ITGAL: variants seen among roughly 807,000 people sequenced by gnomAD.
The protein encoded by ITGAL is integrin alpha-L.
A neutral mutation model predicts 138.4 loss-of-function variants in ITGAL; 68 were observed. That is an observed-to-expected ratio of 0.49 (90% CI 0.40 to 0.60). The LOEUF is 0.60. Ranked by LOEUF, ITGAL falls within the 20% of genes least tolerant of loss-of-function variation. The pLI is 0.00. For synonymous variants in ITGAL, 561 were observed against 584.3 expected (o/e 0.96, Z 0.57); for missense variants, 1,256 against 1,478.6 (o/e 0.85, Z 2.47).
At chr16:30,473,941 C>T in intron 1 of ITGAL, 1 of 630,370 alleles carries the variant, frequency 1.6e-6, no homozygotes. Context: ...GAGCCTCTAA[C>T]TTCTCATCCT....
intron 16 of ITGAL, 26 bp downstream of exon 16, chr16:30,499,260 G>A (rs763606157): frequency 6.2e-7 from 1 of 1,612,948 alleles, no homozygotes; most frequent in African/African-American, 1.3e-5. Flanking sequence ...CTGCTCCCAG[G>A]GCAGCTGCCG....
intron 22 of ITGAL, 29 bp from the exon 23 acceptor site, chr16:30,510,852 A>T: frequency 6.3e-7 from 1 of 1,592,982 alleles, no homozygotes; most frequent in African/African-American, 1.3e-5. Context: ...TGACCCTTCC[A>T]TTTCCATTGC....
At chr16:30,513,648 GGTAGGGATTGA>G (rs1262373640) in intron 24 of ITGAL, 112 bp from the exon 25 acceptor site, 15 of 706,664 alleles carry the variant, frequency 2.1e-5, no homozygotes, top group Non-Finnish European at 3.8e-5. Context: ...AGCAGGTTGT[GGTAGGGATTGA>G]ATGAGATGGT....
Position 30,489,256 on chromosome 16 carries a change from C to T in ITGAL, c.1083C>T (p.Gly361=). Residue 361 remains glycine (G), a splice_region_variant and synonymous_variant, in exon 11 of 31, where the codon GGC becomes GGT. Coordinates refer to ENST00000356798, the MANE Select transcript of ITGAL (RefSeq NM_002209.3). ...CGCTCATCTCCTTCCCTGGGCAGGGCCATGCAGTCGTGGGGGCAGTAGGAG... is the reference window on the plus strand; with the variant it reads ...CGCTCATCTCCTTCCCTGGGCAGGGTCATGCAGTCGTGGGGGCAGTAGGAG... ...SSGISADLSR[G]HAVVGAVGAK... 6.2e-7 allele frequency: 1 copy of T among 1,613,934 alleles called. No homozygotes were observed. Among genetic ancestry groups the T allele is most frequent in the Non-Finnish European group, 8.5e-7 (1 of 1,179,830 alleles).
chr16:30,507,783 G>A (rs1279811941), intron 21 of ITGAL, among the ~76,000 whole-genome samples: 3 of 151,818 alleles, frequency 2.0e-5, no homozygotes, highest in Admixed American at 1.3e-4. Flanking sequence ...AAGTGTGCCC[G>A]GCCAAATTTC....
chr16:30,475,105 G>A (rs1244444976), intron 2 of ITGAL, among the ~76,000 whole-genome samples: 2 of 152,028 alleles, frequency 1.3e-5, no homozygotes, highest in Admixed American at 6.6e-5. Flanking sequence ...GTGATCCACC[G>A]ACATCGGCCT....
intron 24 of ITGAL, 58 bp downstream of exon 24, chr16:30,511,194 G>A (rs2051086812): frequency 1.5e-6 from 2 of 1,368,728 alleles, no homozygotes; most frequent in East Asian, 2.3e-5. Context: ...TCCCAACCCA[G>A]GGCCCCGACT....
At position 30,513,835 on chromosome 16, in the gene ITGAL, C is replaced by T; in HGVS notation, c.2851C>T (p.His951Tyr). ...AGGCCCCAAGATCCACCAAGTCAAG[C>T]ACATGTACCAGGTATGAATCCCAAT... ...PKGPKIHQVK[H>Y]MYQVRIQPSI... The change falls in exon 25 of 31, where the codon CAC becomes TAC. Residue 951 changes from histidine to tyrosine, a missense_variant. Around this residue, in one of 3 missense-constraint regions of ITGAL, gnomAD observed 867 missense variants for 972.5 expected, o/e 0.89. Coordinates refer to ENST00000356798, the MANE Select transcript of ITGAL (RefSeq NM_002209.3). 1 of 1,609,402 alleles carries T rather than the reference C, an allele frequency of 6.2e-7. No individual in the cohort carries two copies. Among genetic ancestry groups the T allele is most frequent in the Non-Finnish European group, 8.5e-7 (1 of 1,175,706 alleles).
chr16:30,488,692 G>C (rs2050681307), intron 9 of ITGAL, among the ~76,000 whole-genome samples: 1 of 111,426 alleles, frequency 9.0e-6, no homozygotes, highest in African/African-American at 3.6e-5. Context: ...GACAGAGAGA[G>C]ACTCCATCTC....
intron 7 of ITGAL, among the ~76,000 whole-genome samples, chr16:30,482,048 C>A (rs556723692): frequency 1.3e-5 from 2 of 152,086 alleles, no homozygotes; most frequent in African/African-American, 2.4e-5. Context: ...TGTGCCACCA[C>A]GCCTGGCTAA....
chr16:30,505,602 A>G (rs936565148), intron 20 of ITGAL, 140 bp downstream of exon 20: 2 of 682,398 alleles, frequency 2.9e-6, no homozygotes, highest in Admixed American at 2.6e-5. Context: ...TTGAGGCTGA[A>G]CTCAGGGGCT....
At position 30,494,659 on chromosome 16, in the gene ITGAL, C is replaced by T; in HGVS notation, c.1366-54C>T. 1.3e-6 allele frequency: 2 copies of T among 1,550,352 alleles called. No individual in the cohort carries two copies. On this transcript the variant is annotated intron_variant, in intron 12 of 30. Transcript: ENST00000356798. This position sits in a 1 kb window ranked among gnomAD's most constrained non-coding sequence, Gnocchi z 4.2. ...TGAACACGGTACAGGTATCTCCCTG[C>T]CAACCCCTGCTGTTCCCACAGGCGC...
In ITGAL at chr16:30,521,666, G is replaced by A; in HGVS notation, c.*1G>A. 1.2e-6 allele frequency: 2 copies of A among 1,613,386 alleles called. No homozygotes were observed. The highest frequency in any genetic ancestry group is 1.8e-4 in the Middle Eastern group (1 of 5,596). On this transcript the variant is annotated 3_prime_UTR_variant, in exon 31 of 31. Transcript: ENST00000356798. ...TGAGAGTGGTGGTGGCAAGGACTGA[G>A]TCCAGGCCTGTGAGGTGCAGAGTGC...
intron 1 of ITGAL, chr16:30,473,984 G>T (rs763986764): frequency 1.0e-4 from 69 of 685,950 alleles, no homozygotes; most frequent in East Asian, 3.9e-4. Flanking sequence ...ACGGGAAGTT[G>T]TATCCTCAGG....
At chr16:30,486,574 ACAG>A (rs2050649719) in intron 9 of ITGAL, among the ~76,000 whole-genome samples, 1 of 152,172 alleles carries the variant, frequency 6.6e-6, no homozygotes, top group Non-Finnish European at 1.5e-5. Flanking sequence ...TGAGATTCAA[ACAG>A]CAATGTGAGA....
chr16:30,473,136 A>G (rs2050417728), intron 1 of ITGAL, among the ~76,000 whole-genome samples: 1 of 152,162 alleles, frequency 6.6e-6, no homozygotes, highest in Non-Finnish European at 1.5e-5. Context: ...TGGGTTCTTT[A>G]AAAAGACAGA....
rs748282647 is a variant in ITGAL, at chr16:30,513,832, A to G, written c.2848A>G (p.Lys950Glu). ...TPKGPKIHQVKHMYQVRIQPS... is the reference protein window; with the variant it reads ...TPKGPKIHQVEHMYQVRIQPS... ...CAAAGGCCCCAAGATCCACCAAGTC[A>G]AGCACATGTACCAGGTATGAATCCC... Residue 950 changes from lysine (K) to glutamate (E), a missense_variant, in exon 25 of 31, where the codon AAG becomes GAG. Coordinates refer to ENST00000356798, the MANE Select transcript of ITGAL (RefSeq NM_002209.3). The G allele has an allele frequency of 6.2e-7, 1 of 1,610,608 alleles. No individual in the cohort carries two copies. The highest frequency in any genetic ancestry group is 8.5e-7 in the Non-Finnish European group (1 of 1,176,798).
At chr16:30,496,800 C>A (rs979572800) in intron 15 of ITGAL, among the ~76,000 whole-genome samples, 5 of 121,686 alleles carry the variant, frequency 4.1e-5, no homozygotes, top group Non-Finnish European at 6.7e-5. Context: ...CGCCACCACA[C>A]CTGGCTAATT....
intron 30 of ITGAL, 119 bp from the exon 31 acceptor site, chr16:30,521,373 C>T: frequency 1.2e-6 from 1 of 836,512 alleles, no homozygotes; most frequent in Non-Finnish European, 1.8e-6. Context: ...CACCACTGCA[C>T]TCCAGCCTGG....
Sources: gnomAD v4.1 joint callset for allele counts (sites outside exome capture counted in the v4.1 genomes callset) on GRCh38, gnomAD v4.1.1 for gene constraint, gnomAD v4.1.1 regional missense constraint, Gnocchi (gnomAD v3.1) non-coding constraint, MANE v1.5 for transcripts, NCBI Gene and HGNC (gene_info 2026-07-23, HGNC 2026-07-21) for gene names.